The following ADGRL3 variants were observed in gnomAD, a reference collection of about 807,000 sequenced individuals.
The protein encoded by ADGRL3 is adhesion G protein-coupled receptor L3.
A neutral mutation model predicts 153.5 loss-of-function variants in ADGRL3; 62 were observed. That is an observed-to-expected ratio of 0.40 (90% CI 0.33 to 0.50). ADGRL3 has a LOEUF of 0.50. ADGRL3 is among the 20% of genes least tolerant of loss of function. The probability of loss-of-function intolerance (pLI) is 0.47; values close to 1 mark genes in which losing one functional copy is unlikely to be tolerated. For synonymous variants in ADGRL3, 710 were observed against 672.5 expected (o/e 1.06, Z -0.86); for missense variants, 1,641 against 1,859.4 (o/e 0.88, Z 2.16).
At chr4:61,275,366 A>G (rs2093409824) in intron 1 of ADGRL3, among the ~76,000 whole-genome samples, 1 of 152,184 alleles carries the variant, frequency 6.6e-6, no homozygotes, top group African/African-American at 2.4e-5. Context: ...AAAAGTTACC[A>G]TTTAATGATA....
At chr4:61,534,911 T>A (rs1288453776) in intron 4 of ADGRL3, among the ~76,000 whole-genome samples, 1 of 152,094 alleles carries the variant, frequency 6.6e-6, no homozygotes, top group African/African-American at 2.4e-5. Context: ...TCTTTTCCAA[T>A]TTGGATGCCT....
intron 2 of ADGRL3, among the ~76,000 whole-genome samples, chr4:61,383,680 ATATAT>A: frequency 6.6e-6 from 1 of 151,968 alleles, no homozygotes; most frequent in South Asian, 2.1e-4. Context: ...AGGTAATAAA[ATATAT>A]TCTTTTGGTA....
At chr4:61,442,685 A>G (rs2097540505) in intron 2 of ADGRL3, among the ~76,000 whole-genome samples, 1 of 152,150 alleles carries the variant, frequency 6.6e-6, no homozygotes, top group African/African-American at 2.4e-5. Flanking sequence ...CTACCAATTC[A>G]GAATAGAAAG....
chr4:61,990,648 T>G (rs2099100491), intron 19 of ADGRL3, among the ~76,000 whole-genome samples: 1 of 152,004 alleles, frequency 6.6e-6, no homozygotes. Flanking sequence ...TCTGATATTT[T>G]GACTTGAGAC....
chr4:61,341,519 T>A (rs985799602), intron 1 of ADGRL3, among the ~76,000 whole-genome samples: 1 of 151,248 alleles, frequency 6.6e-6, no homozygotes, highest in Non-Finnish European at 1.5e-5. Context: ...CATATATATA[T>A]ATTTATTATA....
chr4:61,376,391 TG>T (rs2096603054), intron 1 of ADGRL3, among the ~76,000 whole-genome samples: 1 of 141,888 alleles, frequency 7.0e-6, no homozygotes, highest in African/African-American at 2.5e-5. Flanking sequence ...AGTTAAATGC[TG>T]TTTTTTTTTT....
At chr4:61,763,270 C>G (rs1363817054) in intron 8 of ADGRL3, among the ~76,000 whole-genome samples, 3 of 150,982 alleles carry the variant, frequency 2.0e-5, no homozygotes, top group Non-Finnish European at 4.4e-5. Context: ...TCACTGAAAC[C>G]TCTGCCTCCC....
chr4:61,814,031 A>C (rs1306706595), intron 9 of ADGRL3, 142 bp downstream of exon 9: 2 of 1,062,642 alleles, frequency 1.9e-6, no homozygotes, highest in African/African-American at 1.6e-5. Context: ...TCTGGAGATA[A>C]AGCAAGTCTC....
intron 9 of ADGRL3, among the ~76,000 whole-genome samples, chr4:61,856,224 A>G (rs1454251083): frequency 6.6e-6 from 1 of 152,006 alleles, no homozygotes; most frequent in Non-Finnish European, 1.5e-5. Flanking sequence ...TAATAAATAA[A>G]TAAAAATTTC....
At chr4:61,357,590 A>G (rs796503837) in intron 1 of ADGRL3, among the ~76,000 whole-genome samples, 1 of 152,254 alleles carries the variant, frequency 6.6e-6, no homozygotes, top group African/African-American at 2.4e-5. Flanking sequence ...AGTATTTTAA[A>G]GAGTATTTTA....
chr4:61,240,378 T>TA (rs935143204), intron 1 of ADGRL3, among the ~76,000 whole-genome samples: 5 of 152,072 alleles, frequency 3.3e-5, no homozygotes, highest in Non-Finnish European at 7.4e-5. Context: ...GGGGTACAAA[T>TA]ACATACAACC....
At chr4:61,262,502 C>G (rs1015609083) in intron 1 of ADGRL3, among the ~76,000 whole-genome samples, 5 of 152,016 alleles carry the variant, frequency 3.3e-5, no homozygotes, top group African/African-American at 1.2e-4. Context: ...TTCAGATTCT[C>G]CAGACACTGT....
At chr4:61,775,375 A>C (rs183428261) in intron 8 of ADGRL3, 235 of 440,776 alleles carry the variant, frequency 5.3e-4, no homozygotes, top group African/African-American at 4.3e-3. Context: ...GTAATGGAAA[A>C]GCTAAAATTT....
At position 61,410,808 on chromosome 4, in the gene ADGRL3, A is replaced by T. The variant is rs1447559094; in HGVS notation, c.-174+27619A>T. On this transcript the variant is annotated intron_variant, in intron 2 of 26. Transcript: ENST00000683033. ...ACCTCCTTGCCCCAAGCTCCCCCAA[A>T]CTCAGACATCCTGTCTGGTGACGGA... 2.0e-5 allele frequency among the ~76,000 whole-genome samples: 3 copies of T among 152,036 alleles called. No homozygotes were observed. In the East Asian group the frequency reaches 5.8e-4, roughly 29 times the overall value.
intron 4 of ADGRL3, among the ~76,000 whole-genome samples, chr4:61,532,545 C>CGTGTGTGT (rs1470514639): frequency 4.8e-4 from 37 of 77,340 alleles, no homozygotes; most frequent in African/African-American, 1.5e-3. Context: ...CGCGCGCGCG[C>CGTGTGTGT]GCGCGCGCGC....
intron 2 of ADGRL3, among the ~76,000 whole-genome samples, chr4:61,386,003 T>C (rs552997640): frequency 3.9e-5 from 6 of 152,292 alleles, no homozygotes; most frequent in South Asian, 4.1e-4. Context: ...CTGTTCAGTT[T>C]ACTCCTGAAT....
intron 5 of ADGRL3, among the ~76,000 whole-genome samples, chr4:61,597,580 T>A (rs560801096): frequency 3.9e-5 from 6 of 152,028 alleles, no homozygotes; most frequent in South Asian, 4.1e-4. Context: ...AAACATTTTT[T>A]AAAATATCAT....
intron 21 of ADGRL3, among the ~76,000 whole-genome samples, chr4:62,013,213 A>G (rs1048381426): frequency 2.6e-5 from 4 of 152,154 alleles, no homozygotes; most frequent in African/African-American, 9.7e-5. Context: ...ATTGGCCTTC[A>G]GATATTGTTA....
intron 1 of ADGRL3, among the ~76,000 whole-genome samples, chr4:61,377,788 ATTGAT>A (rs760125853): frequency 5.3e-5 from 8 of 151,554 alleles, no homozygotes; most frequent in Non-Finnish European, 1.0e-4. Context: ...AGCTTTGATT[ATTGAT>A]TTGAGATCTT....
Sources: gnomAD v4.1 joint callset for allele counts (sites outside exome capture counted in the v4.1 genomes callset) on GRCh38, gnomAD v4.1.1 for gene constraint, MANE v1.5 for transcripts, NCBI Gene and HGNC (gene_info 2026-07-23, HGNC 2026-07-21) for gene names.